The following MYRIP variants were observed in gnomAD, a reference collection of about 807,000 sequenced individuals.
MYRIP encodes the protein myosin VIIA and Rab interacting protein.
Under a neutral mutation model 98.0 loss-of-function variants are expected in MYRIP, and 49 were observed. That is an observed-to-expected ratio of 0.50 (90% confidence interval 0.40 to 0.63). The LOEUF (loss-of-function observed/expected upper bound fraction) is 0.63. Ranked by LOEUF, MYRIP falls within the 30% of genes least tolerant of loss-of-function variation. The pLI is 0.00. For missense variants in MYRIP, 1,004 were observed against 1,058.2 expected, an observed-to-expected ratio of 0.95 and a Z score of 0.71; for synonymous variants, 404 against 409.5, an observed-to-expected ratio of 0.99 and a Z score of 0.16.
At chr3:39,976,460 G>A (rs1345093518) in intron 2 of MYRIP, among the ~76,000 whole-genome samples, 1 of 152,198 alleles carries the variant, frequency 6.6e-6, no homozygotes, top group Non-Finnish European at 1.5e-5. Flanking sequence ...CTCTAACCTA[G>A]TTCAACCATT....
chr3:40,088,952 G>A (rs1429748309), intron 3 of MYRIP, among the ~76,000 whole-genome samples: 1 of 151,772 alleles, frequency 6.6e-6, no homozygotes, highest in Admixed American at 6.6e-5. Flanking sequence ...GTAACCAGAG[G>A]AATGGTAAGA....
At position 40,227,165 on chromosome 3, in the gene MYRIP, C is replaced by A. The variant is rs186009480; in HGVS notation, c.1906-6694C>A. On this transcript the variant is annotated intron_variant, in intron 11 of 16. Coordinates refer to ENST00000302541, the MANE Select transcript of MYRIP (RefSeq NM_015460.4). ...TTGTTTCTGCATCCCCTGCAGGGCC[C>A]AATGCAGTGCCTTGGCATAGAGTGG... Among the ~76,000 whole-genome samples the A allele has an allele frequency of 3.7e-4, 57 of 152,244 alleles. 1 individual carries two copies. The East Asian group carries it at 0.011, about 28-fold the overall frequency.
chr3:40,058,568 T>C (rs934654775), intron 3 of MYRIP, among the ~76,000 whole-genome samples: 5 of 152,182 alleles, frequency 3.3e-5, no homozygotes, highest in Admixed American at 2.0e-4. Flanking sequence ...TATAAAGTTA[T>C]ACCAAGAGAA....
chr3:40,194,063 CATA>C (rs1372886377), intron 10 of MYRIP, among the ~76,000 whole-genome samples: 1 of 152,000 alleles, frequency 6.6e-6, no homozygotes, highest in African/African-American at 2.4e-5. Context: ...AATTTTTGTT[CATA>C]ATAATTTATC....
intron 10 of MYRIP, chr3:40,208,951 T>C (rs1325878925): frequency 2.0e-5 from 3 of 152,252 alleles, no homozygotes; most frequent in Admixed American, 6.5e-5. Flanking sequence ...TGAGTTCTTA[T>C]GTTAGATAGC....
At chr3:40,039,039 T>A (rs574948046) in intron 2 of MYRIP, among the ~76,000 whole-genome samples, 202 of 152,300 alleles carry the variant, frequency 1.3e-3, no homozygotes, top group Non-Finnish European at 2.4e-3. Context: ...GGGCTTTAAC[T>A]GCAGCATGCC....
intron 10 of MYRIP, among the ~76,000 whole-genome samples, chr3:40,196,215 G>T (rs1951388918): frequency 6.6e-6 from 1 of 151,308 alleles, no homozygotes; most frequent in Non-Finnish European, 1.5e-5. Context: ...TAATCCCAGG[G>T]ATTTTTTATT....
chr3:39,965,933 AGTT>A (rs1379738101), intron 2 of MYRIP, among the ~76,000 whole-genome samples: 1 of 152,168 alleles, frequency 6.6e-6, no homozygotes, highest in Admixed American at 6.6e-5. Flanking sequence ...AGTTGAAACT[AGTT>A]GTTCCTTTTG....
intron 8 of MYRIP, among the ~76,000 whole-genome samples, chr3:40,178,171 G>C (rs1428976003): frequency 6.6e-6 from 1 of 152,018 alleles, no homozygotes; most frequent in African/African-American, 2.4e-5. Context: ...TTAAAGCTGC[G>C]GTTGGTGCCA....
At chr3:40,051,799 T>C (rs529346855) in intron 3 of MYRIP, among the ~76,000 whole-genome samples, 46 of 152,306 alleles carry the variant, frequency 3.0e-4, no homozygotes, top group Non-Finnish European at 5.6e-4. Context: ...TTCTATCTAG[T>C]CACTTATTAC....
At chr3:39,929,105 G>A (rs1005631758) in intron 2 of MYRIP, among the ~76,000 whole-genome samples, 7 of 151,854 alleles carry the variant, frequency 4.6e-5, no homozygotes, top group African/African-American at 1.7e-4. Flanking sequence ...AAAACATATG[G>A]ACACATGGAT....
chr3:39,877,979 G>C (rs1480121367), intron 1 of MYRIP, among the ~76,000 whole-genome samples: 3 of 152,226 alleles, frequency 2.0e-5, no homozygotes, highest in African/African-American at 7.2e-5. Flanking sequence ...AGGCCTCCTT[G>C]AGCTGTGGTG....
intron 12 of MYRIP, among the ~76,000 whole-genome samples, chr3:40,242,906 T>G (rs1559472955): frequency 1.3e-5 from 2 of 152,148 alleles, no homozygotes; most frequent in African/African-American, 4.8e-5. Context: ...TTGTGATACA[T>G]TATTTGAATA....
intron 3 of MYRIP, among the ~76,000 whole-genome samples, chr3:40,050,399 G>T (rs1947767282): frequency 6.6e-6 from 1 of 151,866 alleles, no homozygotes; most frequent in African/African-American, 2.4e-5. Flanking sequence ...CTGAATGATA[G>T]TGCATATGTT....
chr3:39,890,608 G>C (rs1018238951), intron 1 of MYRIP, among the ~76,000 whole-genome samples: 4 of 150,040 alleles, frequency 2.7e-5, no homozygotes. Flanking sequence ...AAGTTCATAG[G>C]GGTAGGGGCT....
At chr3:39,996,843 A>T (rs950375476) in intron 2 of MYRIP, among the ~76,000 whole-genome samples, 1 of 152,208 alleles carries the variant, frequency 6.6e-6, no homozygotes, top group East Asian at 1.9e-4. Flanking sequence ...CTCTCAGACC[A>T]CAGTGCAATC....
At chr3:40,029,637 A>G (rs1224940556) in intron 2 of MYRIP, among the ~76,000 whole-genome samples, 1 of 152,194 alleles carries the variant, frequency 6.6e-6, no homozygotes, top group Non-Finnish European at 1.5e-5. Flanking sequence ...AAACAAAAAT[A>G]CTAATAAAAT....
Position 40,250,326 on chromosome 3 carries a change from GGTGT to G in MYRIP, c.2367+3_2367+6del. On this transcript the variant is annotated splice_donor_variant and splice_donor_region_variant and intron_variant, in intron 14 of 16. Coordinates refer to ENST00000302541, the MANE Select transcript of MYRIP (RefSeq NM_015460.4). LOFTEE classifies it high-confidence loss of function. ...GACGGGATCAGAAGCAAAGGACCCA[GGTGT>G]GTTTGTCCCTTTCTCCCTCTGTTGG... The G allele has an allele frequency of 6.2e-7, 1 of 1,613,692 alleles. No homozygotes were observed. Among genetic ancestry groups the G allele is most frequent in the Non-Finnish European group, 8.5e-7 (1 of 1,179,606 alleles).
chr3:40,018,327 A>G lies in MYRIP; in HGVS notation c.111-25723A>G, dbSNP rs1011841884. On this transcript the variant is annotated intron_variant, in intron 2 of 16. Transcript: ENST00000302541. The stretch of plus-strand genomic sequence containing the variant: ...CCACTTTTACAAGGATGATGCCATG[A>G]TATAAATCGAGTGCTTGTCTCTCTC... Among the ~76,000 whole-genome samples the G allele has an allele frequency of 2.0e-5, 3 of 152,158 alleles. No homozygotes were observed. The East Asian group carries it at 5.8e-4, about 29-fold the overall frequency.
Sources: allele counts gnomAD v4.1 joint callset (sites outside exome capture counted in the v4.1 genomes callset), GRCh38; gene constraint gnomAD v4.1.1; transcripts MANE v1.5; gene names NCBI Gene and HGNC (gene_info 2026-07-23, HGNC 2026-07-21).